The following COL12A1 variants were observed in gnomAD, a reference collection of about 807,000 sequenced individuals.
COL12A1 encodes collagen alpha-1(XII) chain.
A neutral mutation model predicts 349.7 loss-of-function variants in COL12A1; 114 were observed. The observed-to-expected ratio is 0.33, with a 90% CI of 0.28 to 0.38. The LOEUF is 0.38. Ranked by LOEUF, COL12A1 falls within the 10% of genes least tolerant of loss-of-function variation. The probability of loss-of-function intolerance (pLI) is 1.00; values close to 1 mark genes in which losing one functional copy is unlikely to be tolerated. For missense variants in COL12A1, 3,284 were observed against 3,756.9 expected, an observed-to-expected ratio of 0.87 and a Z score of 3.29; for synonymous variants, 1,369 against 1,329.0, an observed-to-expected ratio of 1.03 and a Z score of -0.66.
intron 26 of COL12A1, among the ~76,000 whole-genome samples, chr6:75,142,958 A>G (rs1182943678): frequency 1.3e-5 from 2 of 152,204 alleles, no homozygotes; most frequent in Non-Finnish European, 2.9e-5. Context: ...ATAGAAAGCC[A>G]TATAAGGAAT....
intron 14 of COL12A1, 119 bp from the exon 15 acceptor site, chr6:75,156,642 G>A: frequency 1.1e-6 from 1 of 896,554 alleles, no homozygotes; most frequent in Non-Finnish European, 1.7e-6. Context: ...CTGTTCCATT[G>A]CTTAGCATTG....
Position 75,090,536 on chromosome 6 carries a change from C to T in COL12A1, c.8753-238G>A, listed in dbSNP as rs1026040253. Among the ~76,000 whole-genome samples the T allele has an allele frequency of 6.6e-6, 1 of 152,158 alleles. No individual in the cohort carries two copies. Among genetic ancestry groups the T allele is most frequent in the Admixed American group, 6.5e-5 (1 of 15,272 alleles). On this transcript the variant is annotated intron_variant, in intron 62 of 65. Transcript: ENST00000322507. This position sits in a 1 kb window ranked among gnomAD's most constrained non-coding sequence, Gnocchi z 4.1. Reference sequence around the variant, plus strand: ...GACCTACAAGCCACAAACATTACTACAAATATAAAAGAGTTGTTAAAGTTT... The same window carrying T: ...GACCTACAAGCCACAAACATTACTATAAATATAAAAGAGTTGTTAAAGTTT...
At chr6:75,121,156 T>G (rs1409958545) in intron 44 of COL12A1, 146 bp downstream of exon 44, 1 of 655,496 alleles carries the variant, frequency 1.5e-6, no homozygotes, top group African/African-American at 1.9e-5. Context: ...CCCAATTCCC[T>G]CCCAAAAATA....
intron 37 of COL12A1, among the ~76,000 whole-genome samples, chr6:75,129,306 A>G (rs1176430912): frequency 2.0e-5 from 3 of 152,236 alleles, no homozygotes; most frequent in African/African-American, 7.2e-5. Context: ...GTTCCAGTAG[A>G]TGAAATATTT....
At chr6:75,193,722 C>A (rs1770072458) in intron 3 of COL12A1, among the ~76,000 whole-genome samples, 2 of 146,582 alleles carry the variant, frequency 1.4e-5, no homozygotes, top group Non-Finnish European at 3.0e-5. Flanking sequence ...GCTATCCCTC[C>A]CCCCTCCCCA....
rs1767404942 is a variant in COL12A1, at chr6:75,084,855, G to C, written c.*1692C>G. The C allele has an allele frequency of 6.1e-6, 1 of 162,794 alleles. No homozygotes were observed. Among genetic ancestry groups the C allele is most frequent in the East Asian group, 1.7e-4 (1 of 6,056 alleles). The allele number at this position is 162,794 out of a possible 1,614,324, so 10.1% of individuals were successfully genotyped here. ...AACTGCCCGCTCGAAATACACAGCA[G>C]CTCTGGGTTCCAGGACTTAACTGCT... On this transcript the variant is annotated 3_prime_UTR_variant, in exon 66 of 66. Coordinates refer to ENST00000322507, the MANE Select transcript of COL12A1 (RefSeq NM_004370.6).
chr6:75,124,029 G>C lies in COL12A1; in HGVS notation c.6790C>G (p.Pro2264Ala). The C allele has an allele frequency of 6.2e-7, 1 of 1,613,972 alleles. No individual in the cohort carries two copies. Among genetic ancestry groups the C allele is most frequent in the Non-Finnish European group, 8.5e-7 (1 of 1,179,890 alleles). The change falls in exon 42 of 66, where the codon CCA becomes GCA. Residue 2264 changes from proline (P) to alanine (A), a missense_variant. By Grantham distance (27) the Pro-to-Ala change is conservative (BLOSUM62 -1). Transcript: ENST00000322507. Reference protein sequence around the residue: ...ETSHCFTGLSPDTDYGVTVFV... With the variant: ...ETSHCFTGLSADTDYGVTVFV... ...ACAGTGACACCATAATCAGTGTCTG[G>C]TGAAAGGCCAGTGAAGCAGTGACTG...
In COL12A1 at chr6:75,181,096, C is replaced by T. The variant is rs77790445; in HGVS notation, c.2007G>A (p.Ala669=). 4,008 of 1,613,852 alleles carry T rather than the reference C, an allele frequency of 2.5e-3. 88 individuals are homozygous for T. In the African/African-American group the frequency reaches 0.046, roughly 19 times the overall value. ...CCACAGTGACCTCATCATCCCCAGC[C>T]GCTTCCTTGTAGGTGATGTGATATG... ...VFSYHITYKE[A]AGDDEVTVVE... is the part of the protein sequence containing the mutation. Residue 669 remains alanine (A), a synonymous_variant, in exon 11 of 66, where the codon GCG becomes GCA. Coordinates refer to ENST00000322507, the MANE Select transcript of COL12A1 (RefSeq NM_004370.6).
chr6:75,137,546 T>G lies in COL12A1; in HGVS notation c.5285A>C (p.Tyr1762Ser). ...PKSGPRNLQVYNATSNSLTVK... is the reference protein window; with the variant it reads ...PKSGPRNLQVSNATSNSLTVK... Reference sequence around the variant, plus strand: ...AGTCAGGCTGTTAGATGTTGCATTGTACACTTGAAGGTTTCGTGGGCCACT... The same window carrying G: ...AGTCAGGCTGTTAGATGTTGCATTGGACACTTGAAGGTTTCGTGGGCCACT... Residue 1762 changes from tyrosine to serine, a missense_variant, in exon 31 of 66, where the codon TAC (tyrosine) becomes TCC (serine). Transcript: ENST00000322507. 1.9e-6 allele frequency: 3 copies of G among 1,613,898 alleles called. No individual in the cohort carries two copies. Among genetic ancestry groups the G allele is most frequent in the Non-Finnish European group, 2.5e-6 (3 of 1,179,878 alleles).
In COL12A1 at chr6:75,191,732, C is replaced by A; in HGVS notation, c.363G>T (p.Val121=). Residue 121 remains valine (V), a synonymous_variant, in exon 5 of 66, where the codon GTG becomes GTT. Transcript: ENST00000322507. The part of the protein sequence containing the change: ...TIQTGSSTKP[V]EKKPGKTEIQ... Reference sequence around the variant, plus strand: ...TCTCGGTTTTTCCAGGTTTCTTCTCCACTGGCTTTGTCGAACTACCTGTTT... The same window carrying A: ...TCTCGGTTTTTCCAGGTTTCTTCTCAACTGGCTTTGTCGAACTACCTGTTT... 6.3e-7 allele frequency: 1 copy of A among 1,596,604 alleles called. No homozygotes were observed. The highest frequency in any genetic ancestry group is 1.4e-5 in the African/African-American group (1 of 73,832).
intron 35 of COL12A1, 101 bp from the exon 36 acceptor site, chr6:75,131,082 C>T: frequency 7.5e-6 from 11 of 1,474,332 alleles, no homozygotes; most frequent in Non-Finnish European, 1.0e-5. Context: ...AATGTTGAGC[C>T]CAGACACATC....
chr6:75,169,079 G>C (rs1582168537), intron 13 of COL12A1, among the ~76,000 whole-genome samples: 1 of 152,016 alleles, frequency 6.6e-6, no homozygotes, highest in Non-Finnish European at 1.5e-5. Context: ...ATCTTGTCTC[G>C]ACAGGAAATG....
Position 75,189,345 on chromosome 6 carries a change from G to T in COL12A1, c.695C>A (p.Thr232Lys), listed in dbSNP as rs200443479. 6.2e-7 allele frequency: 1 copy of T among 1,612,724 alleles called. No individual in the cohort carries two copies. The highest frequency in any genetic ancestry group is 2.2e-5 in the East Asian group (1 of 44,834). Reference protein sequence around the residue: ...AIDYLVKNTFTESAGARVGFP... With the variant: ...AIDYLVKNTFKESAGARVGFP... ...GCCAACTCTTGCCCCAGCAGATTCC[G>T]TGAAAGTATTTTTAACTAAATAATC... The change falls in exon 7 of 66, where the codon ACG (threonine) becomes AAG (lysine). Residue 232 changes from threonine to lysine, a missense_variant. This residue lies in a region of COL12A1 where 2,601 missense variants were observed against 2,824.8 expected (regional missense o/e 0.92). Coordinates refer to ENST00000322507, the MANE Select transcript of COL12A1 (RefSeq NM_004370.6).
chr6:75,124,955 A>T (rs895035362), intron 40 of COL12A1, among the ~76,000 whole-genome samples, 172 bp downstream of exon 40: 1 of 152,160 alleles, frequency 6.6e-6, no homozygotes, highest in Non-Finnish European at 1.5e-5. Flanking sequence ...TATATACTCA[A>T]TTATAATATT....
At chr6:75,163,910 G>GA (rs970828518) in intron 14 of COL12A1, among the ~76,000 whole-genome samples, 4 of 152,148 alleles carry the variant, frequency 2.6e-5, no homozygotes, top group Non-Finnish European at 4.4e-5. Flanking sequence ...ATTTCTGGAG[G>GA]AAAAAAATCC....
chr6:75,147,555 G>A (rs1015830881), intron 23 of COL12A1, 120 bp downstream of exon 23: 3 of 1,014,074 alleles, frequency 3.0e-6, no homozygotes, highest in Non-Finnish European at 4.3e-6. Flanking sequence ...ATGACACTCA[G>A]TAAATATTTA....
chr6:75,103,898 T>A, intron 54 of COL12A1, 88 bp from the exon 55 acceptor site: 1 of 922,432 alleles, frequency 1.1e-6, no homozygotes, highest in East Asian at 2.7e-5. Flanking sequence ...AAAGTGCAAT[T>A]TCCAGACAAT....
chr6:75,190,983 A>G (rs897418398), intron 5 of COL12A1, among the ~76,000 whole-genome samples: 3 of 151,944 alleles, frequency 2.0e-5, no homozygotes, highest in Non-Finnish European at 2.9e-5. Flanking sequence ...TTTTATTGTC[A>G]TTCTGGGTCA....
At chr6:75,148,310 C>A in intron 22 of COL12A1, 48 bp downstream of exon 22, 1 of 1,578,870 alleles carries the variant, frequency 6.3e-7, no homozygotes, top group Non-Finnish European at 8.6e-7. Flanking sequence ...ATGAGGAGGA[C>A]CCAATCTCAA....
Sources: gnomAD v4.1 joint callset for allele counts (sites outside exome capture counted in the v4.1 genomes callset) on GRCh38, gnomAD v4.1.1 for gene constraint, gnomAD v4.1.1 regional missense constraint, Gnocchi (gnomAD v3.1) non-coding constraint, MANE v1.5 for transcripts, NCBI Gene and HGNC (gene_info 2026-07-23, HGNC 2026-07-21) for gene names.